DNAJC24: variants seen among roughly 807,000 people sequenced by gnomAD.
DNAJC24 encodes dnaJ homolog subfamily C member 24.
In DNAJC24, 17 loss-of-function variants were observed where a neutral mutation model predicts 18.0. That is an observed-to-expected ratio of 0.94 (90% CI 0.65 to 1.42). DNAJC24 has a LOEUF of 1.42. DNAJC24 is among the 40% of genes most tolerant of loss of function. The pLI, the probability that DNAJC24 is intolerant of heterozygous loss-of-function variation, is 0.00. For synonymous variants in DNAJC24, 55 were observed against 57.7 expected (o/e 0.95, Z 0.21); for missense variants, 158 against 175.6 (o/e 0.90, Z 0.57).
At chr11:31,403,443 C>A (rs1952622514) in intron 2 of DNAJC24, among the ~76,000 whole-genome samples, 1 of 152,140 alleles carries the variant, frequency 6.6e-6, no homozygotes, top group Non-Finnish European at 1.5e-5. Context: ...GAAGTATATA[C>A]ATTGATTTGG....
chr11:31,399,885 A>G (rs1952583710), intron 2 of DNAJC24, among the ~76,000 whole-genome samples: 1 of 151,038 alleles, frequency 6.6e-6, no homozygotes, highest in African/African-American at 2.4e-5. Flanking sequence ...TACATTAGGT[A>G]TTTGTCCAGA....
At position 31,425,117 on chromosome 11, in the gene DNAJC24, T is replaced by G. The variant is rs141969094; in HGVS notation, c.251-1170T>G. ...AGAACACTTGTTTTAAGCAAGAGAG[T>G]AGATGCTCCTGTTACAAAGCTTAGG... On this transcript the variant is annotated intron_variant, in intron 3 of 4. Transcript: ENST00000465995. 1.3e-4 allele frequency among the ~76,000 whole-genome samples: 20 copies of G among 152,196 alleles called. No homozygotes were observed. In the East Asian group the frequency reaches 3.5e-3, roughly 26 times the overall value.
intron 2 of DNAJC24, among the ~76,000 whole-genome samples, chr11:31,405,217 G>A (rs149130037): frequency 0.02 from 3,000 of 151,312 alleles, 85 homozygotes; most frequent in African/African-American, 0.068. Flanking sequence ...TTACAGGCAC[G>A]TGCCACCACA....
chr11:31,396,277 T>G, intron 2 of DNAJC24: 2 of 454,780 alleles, frequency 4.4e-6, no homozygotes, highest in Middle Eastern at 6.5e-4. Context: ...CTATTTTCTT[T>G]TCCAGGATCT....
chr11:31,377,184 T>G (rs1049211835), intron 2 of DNAJC24, among the ~76,000 whole-genome samples: 23 of 152,136 alleles, frequency 1.5e-4, no homozygotes, highest in Non-Finnish European at 2.8e-4. Flanking sequence ...ACTTTGAATT[T>G]AACACCTCCT....
At chr11:31,424,068 T>C (rs1952837337) in intron 3 of DNAJC24, among the ~76,000 whole-genome samples, 1 of 152,146 alleles carries the variant, frequency 6.6e-6, no homozygotes, top group Non-Finnish European at 1.5e-5. Context: ...TCCCAGTAGA[T>C]TGGCAGTTGT....
At chr11:31,370,950 A>G (rs1290942937) in intron 2 of DNAJC24, 91 bp downstream of exon 2, 1 of 701,084 alleles carries the variant, frequency 1.4e-6, no homozygotes, top group Non-Finnish European at 2.4e-6. Flanking sequence ...AAAATAGGAT[A>G]CCAGTGGCAG....
chr11:31,396,697 T>G (rs992231301), intron 2 of DNAJC24, among the ~76,000 whole-genome samples: 1 of 152,138 alleles, frequency 6.6e-6, no homozygotes, highest in Non-Finnish European at 1.5e-5. Context: ...TTTAGAATGT[T>G]TTTGTCTTTG....
At chr11:31,420,594 A>T (rs535694528) in intron 3 of DNAJC24, among the ~76,000 whole-genome samples, 98 of 152,266 alleles carry the variant, frequency 6.4e-4, no homozygotes, top group Non-Finnish European at 1.2e-3. Flanking sequence ...ACAGCAGTTT[A>T]AAAATAACTG....
At chr11:31,420,343 G>A (rs1042955712) in intron 3 of DNAJC24, among the ~76,000 whole-genome samples, 5 of 151,870 alleles carry the variant, frequency 3.3e-5, no homozygotes, top group African/African-American at 1.2e-4. Context: ...AGAGCCTTCT[G>A]GTATTCTAAT....
chr11:31,387,252 A>G (rs1317473018), intron 2 of DNAJC24, among the ~76,000 whole-genome samples: 1 of 152,150 alleles, frequency 6.6e-6, no homozygotes. Flanking sequence ...TTGAGTGAAC[A>G]TAGGTAGGTA....
intron 2 of DNAJC24, among the ~76,000 whole-genome samples, chr11:31,405,080 T>G (rs181449468): frequency 1.3e-5 from 2 of 150,528 alleles, no homozygotes; most frequent in South Asian, 2.1e-4. Flanking sequence ...TTTTTGTTTT[T>G]TTTTTTTTTG....
At chr11:31,419,269 T>C (rs1432498465) in intron 3 of DNAJC24, among the ~76,000 whole-genome samples, 2 of 151,664 alleles carry the variant, frequency 1.3e-5, no homozygotes, top group East Asian at 1.9e-4. Flanking sequence ...CATCGGGGGG[T>C]ATGTTTTTTT....
chr11:31,390,414 A>G (rs1181236239), intron 2 of DNAJC24, among the ~76,000 whole-genome samples: 2 of 150,810 alleles, frequency 1.3e-5, no homozygotes, highest in Non-Finnish European at 3.0e-5. Context: ...AAAAAAAAAA[A>G]AAAAAATTAA....
chr11:31,408,957 T>G (rs565600054), intron 2 of DNAJC24, among the ~76,000 whole-genome samples: 2 of 152,316 alleles, frequency 1.3e-5, no homozygotes, highest in Non-Finnish European at 2.9e-5. Context: ...TTGTGACATA[T>G]TTATGGTATT....
chr11:31,415,170 C>A (rs74372231), intron 3 of DNAJC24: 8,983 of 427,420 alleles, frequency 0.021, 266 homozygotes, highest in South Asian at 0.1. Flanking sequence ...TCTTGTGAAG[C>A]CTTGAAAGCT....
At chr11:31,426,616 T>C (rs1252978462) in intron 4 of DNAJC24, 3 of 309,608 alleles carry the variant, frequency 9.7e-6, no homozygotes, top group Non-Finnish European at 1.7e-5. Flanking sequence ...ATAAGAGTTT[T>C]TTTGTTGTGT....
rs1252187968 is a variant in DNAJC24, at chr11:31,432,483, A to G, written c.*2082A>G. On this transcript the variant is annotated 3_prime_UTR_variant, in exon 5 of 5. Coordinates refer to ENST00000465995, the MANE Select transcript of DNAJC24 (RefSeq NM_181706.5). ...ATGAAAAGGAGACAATAATCAAGTCAAAAGAATAAATGCTTACTAATCATC... is the reference window on the plus strand; with the variant it reads ...ATGAAAAGGAGACAATAATCAAGTCGAAAGAATAAATGCTTACTAATCATC... The G allele has an allele frequency of 6.3e-7, 1 of 1,586,874 alleles. No individual in the cohort carries two copies. Among genetic ancestry groups the G allele is most frequent in the Non-Finnish European group, 8.6e-7 (1 of 1,156,788 alleles).
chr11:31,383,939 G>C lies in DNAJC24; in HGVS notation c.111+13080G>C, dbSNP rs1322188766. ...TATCTTAAGCCAAATAGGGCTATCAGAACAAAAGTTCATTTCCAGAATAAT... is the reference window on the plus strand; with the variant it reads ...TATCTTAAGCCAAATAGGGCTATCACAACAAAAGTTCATTTCCAGAATAAT... On this transcript the variant is annotated intron_variant, in intron 2 of 4. Transcript: ENST00000465995. 3.3e-5 allele frequency among the ~76,000 whole-genome samples: 5 copies of C among 152,294 alleles called. No individual in the cohort carries two copies. In the South Asian group the frequency reaches 6.2e-4, roughly 19 times the overall value.
Sources: allele counts gnomAD v4.1 joint callset (sites outside exome capture counted in the v4.1 genomes callset), GRCh38; gene constraint gnomAD v4.1.1; transcripts MANE v1.5; gene names NCBI Gene and HGNC (gene_info 2026-07-23, HGNC 2026-07-21).